RNF130: variants seen among roughly 807,000 people sequenced by gnomAD.
RNF130 encodes the protein ring finger protein 130.
Under a neutral mutation model 44.6 loss-of-function variants are expected in RNF130, and 21 were observed. The ratio of observed to expected loss-of-function variants is 0.47; its 90% CI spans 0.33 to 0.68. The LOEUF is 0.68. RNF130 is among the 30% of genes least tolerant of loss of function. The pLI is 0.02. For missense variants in RNF130, 479 were observed against 560.6 expected (o/e 0.85, Z 1.47); for synonymous variants, 214 against 210.4 (o/e 1.02, Z -0.15).
At chr5:180,043,474 G>A (rs1375570292) in intron 1 of RNF130, among the ~76,000 whole-genome samples, 2 of 151,776 alleles carry the variant, frequency 1.3e-5, no homozygotes, top group African/African-American at 2.4e-5. Flanking sequence ...GCTACCCCAC[G>A]CTCAGCAGCA....
At chr5:179,954,029 G>A (rs1251500496), downstream of RNF130, among the ~76,000 whole-genome samples, 1 of 152,174 alleles carries the variant, frequency 6.6e-6, no homozygotes, top group Non-Finnish European at 1.5e-5. Flanking sequence ...GGTAATGCAT[G>A]TTAAAAACAT....
At chr5:179,967,895 A>G (rs1334437870) in intron 6 of RNF130, among the ~76,000 whole-genome samples, 1 of 152,260 alleles carries the variant, frequency 6.6e-6, no homozygotes, top group Non-Finnish European at 1.5e-5. Context: ...CCCAGTTAAA[A>G]GAGGTTTTTT....
Position 180,004,990 on chromosome 5 carries a change from G to T in RNF130, c.693+8071C>A, listed in dbSNP as rs185720605. On this transcript the variant is annotated intron_variant, in intron 3 of 8. Transcript: ENST00000521389. ...CTTTTGCAAGACACCATCTGCCTGTGCCCAGATCACTCCTCTCCTCTCTAC... is the reference window on the plus strand; with the variant it reads ...CTTTTGCAAGACACCATCTGCCTGTTCCCAGATCACTCCTCTCCTCTCTAC... Among the ~76,000 whole-genome samples the T allele has an allele frequency of 1.7e-3, 265 of 152,036 alleles. 3 individuals are homozygous for T. Among genetic ancestry groups the T allele is most frequent in the Admixed American group, 0.014 (217 of 15,264 alleles).
chr5:180,045,381 G>A (rs1023345708), intron 1 of RNF130, among the ~76,000 whole-genome samples: 1 of 152,116 alleles, frequency 6.6e-6, no homozygotes, highest in Admixed American at 6.5e-5. Context: ...TGGTGGGTTC[G>A]TGGTCTCACT....
intron 2 of RNF130, among the ~76,000 whole-genome samples, chr5:180,015,556 A>G (rs1263306792): frequency 1.0e-5 from 1 of 99,072 alleles, no homozygotes; most frequent in Non-Finnish European, 1.9e-5. Context: ...TAGGGGAAGG[A>G]GTAGGGAAGG....
chr5:179,990,565 T>C (rs1001029422), intron 3 of RNF130, among the ~76,000 whole-genome samples: 2 of 151,864 alleles, frequency 1.3e-5, no homozygotes, highest in Non-Finnish European at 2.9e-5. Flanking sequence ...TGGAGCAGAG[T>C]CTTCTCTAAA....
intron 1 of RNF130, among the ~76,000 whole-genome samples, chr5:180,058,399 C>T (rs937870157): frequency 1.3e-5 from 2 of 152,190 alleles, no homozygotes; most frequent in African/African-American, 2.4e-5. Context: ...ACACATGCTA[C>T]AACACAGATG....
intron 2 of RNF130, among the ~76,000 whole-genome samples, chr5:180,026,985 C>A (rs1015313689): frequency 1.3e-5 from 2 of 152,152 alleles, no homozygotes; most frequent in Non-Finnish European, 2.9e-5. Flanking sequence ...ACTGCAGGAG[C>A]CTTGGACTGT....
intron 8 of RNF130, among the ~76,000 whole-genome samples, chr5:179,962,662 C>T (rs924383043): frequency 2.6e-5 from 4 of 152,086 alleles, no homozygotes; most frequent in Non-Finnish European, 5.9e-5. Flanking sequence ...CTTTCTATAC[C>T]TTATCCCTAT....
At chr5:180,006,205 CA>C (rs1359601100) in intron 3 of RNF130, among the ~76,000 whole-genome samples, 2 of 151,576 alleles carry the variant, frequency 1.3e-5, no homozygotes, top group Non-Finnish European at 2.9e-5. Flanking sequence ...TCTAAAATGA[CA>C]AAAGAAGTCT....
intron 1 of RNF130, among the ~76,000 whole-genome samples, chr5:180,057,477 G>A (rs980469124): frequency 7.2e-5 from 11 of 152,248 alleles, no homozygotes; most frequent in Middle Eastern, 3.4e-3. Flanking sequence ...GAACCTAGGA[G>A]GTGGAGGCTG....
chr5:179,979,696 ATGACCC>A (rs1762789906), intron 4 of RNF130, among the ~76,000 whole-genome samples: 1 of 152,194 alleles, frequency 6.6e-6, no homozygotes, highest in Non-Finnish European at 1.5e-5. Context: ...GCCACCAGGG[ATGACCC>A]TGACACACTT....
intron 1 of RNF130, among the ~76,000 whole-genome samples, chr5:180,048,315 T>C (rs555730516): frequency 6.6e-6 from 1 of 152,160 alleles, no homozygotes; most frequent in Non-Finnish European, 1.5e-5. Context: ...AATCACTCTG[T>C]ATCTAATTTG....
intron 1 of RNF130, among the ~76,000 whole-genome samples, chr5:180,061,558 G>A (rs187141223): frequency 3.9e-5 from 6 of 152,148 alleles, no homozygotes; most frequent in Non-Finnish European, 8.8e-5. Flanking sequence ...CTCTCCCAGC[G>A]TCTGATGGCT....
At position 180,054,394 on chromosome 5, in the gene RNF130, C is replaced by T. The variant is rs140607723; in HGVS notation, c.248-13747G>A. Among the ~76,000 whole-genome samples the T allele has an allele frequency of 7.2e-5, 11 of 152,328 alleles. No homozygotes were observed. In the Middle Eastern group the frequency reaches 0.01, roughly 141 times the overall value. Reference sequence around the variant, plus strand: ...GGCATGTCACCCTCCAGGCCAGGGTCAGATGCAGATGCCCACTTAGCTTTT... The same window carrying T: ...GGCATGTCACCCTCCAGGCCAGGGTTAGATGCAGATGCCCACTTAGCTTTT... On this transcript the variant is annotated intron_variant, in intron 1 of 8. Coordinates refer to ENST00000521389, the MANE Select transcript of RNF130 (RefSeq NM_018434.6).
At chr5:179,949,563 A>G (rs754141699) in intron 7 of RNF130, among the ~76,000 whole-genome samples, 3 of 152,256 alleles carry the variant, frequency 2.0e-5, no homozygotes, top group Non-Finnish European at 4.4e-5. Context: ...AGTTTGTCCA[A>G]GAAGGGTTTA....
At chr5:179,963,339 G>T in intron 8 of RNF130, 132 bp downstream of exon 8, 1 of 653,490 alleles carries the variant, frequency 1.5e-6, no homozygotes, top group Non-Finnish European at 2.8e-6. Context: ...AAAGTATTTT[G>T]CTAGATACGA....
intron 8 of RNF130, among the ~76,000 whole-genome samples, chr5:179,959,215 C>T (rs926754602): frequency 2.6e-5 from 4 of 152,304 alleles, no homozygotes; most frequent in Non-Finnish European, 4.4e-5. Flanking sequence ...AAGAGTCCTT[C>T]AAACACCTGG....
chr5:179,927,439 A>T (rs1338709579), intron 7 of RNF130, among the ~76,000 whole-genome samples: 1 of 152,132 alleles, frequency 6.6e-6, no homozygotes, highest in African/African-American at 2.4e-5. Context: ...CCACAAAGAG[A>T]ATATACCTAC....
Sources: allele counts gnomAD v4.1 joint callset (sites outside exome capture counted in the v4.1 genomes callset), GRCh38; gene constraint gnomAD v4.1.1; transcripts MANE v1.5; gene names NCBI Gene and HGNC (gene_info 2026-07-23, HGNC 2026-07-21).